Variants in GPHN observed in about 807,000 individuals in gnomAD.
The protein encoded by GPHN is gephyrin.
GPHN carries 17 observed loss-of-function variants against 95.5 expected under a neutral mutation model. That is an observed-to-expected ratio of 0.18 (90% CI 0.12 to 0.27). The LOEUF is 0.27. GPHN is among the 10% of genes least tolerant of loss of function. The pLI is 1.00. For missense variants in GPHN, 660 were observed against 978.1 expected (o/e 0.67, Z 4.34); for synonymous variants, 320 against 322.5 (o/e 0.99, Z 0.08).
chr14:67,588,496 T>C, the GPHN span: 1 of 152,122 alleles, frequency 6.6e-6, no homozygotes, highest in Non-Finnish European at 1.5e-5. Flanking sequence ...TAAAAAAAAG[T>C]TTCTTTCATC....
intron 1 of GPHN, among the ~76,000 whole-genome samples, chr14:66,543,493 A>G (rs966990281): frequency 6.6e-6 from 1 of 152,140 alleles, no homozygotes; most frequent in Non-Finnish European, 1.5e-5. Context: ...TACAACTCCT[A>G]AATTTATGTA....
At chr14:66,848,029 A>ACAT (rs1197002831) in intron 4 of GPHN, among the ~76,000 whole-genome samples, 1 of 152,064 alleles carries the variant, frequency 6.6e-6, no homozygotes, top group Admixed American at 6.6e-5. Context: ...AATTTTATGA[A>ACAT]CATCAAAATC....
intron 1 of GPHN, among the ~76,000 whole-genome samples, chr14:66,573,441 T>C (rs1377490628): frequency 6.6e-6 from 1 of 151,772 alleles, no homozygotes; most frequent in East Asian, 1.9e-4. Flanking sequence ...TTTCTAATTA[T>C]ATAATAACCT....
chr14:67,070,214 A>T (rs192188966), intron 11 of GPHN, among the ~76,000 whole-genome samples: 2 of 150,894 alleles, frequency 1.3e-5, no homozygotes, highest in East Asian at 3.9e-4. Context: ...TTACCTTTAT[A>T]CTCCCTGCAT....
intron 4 of GPHN, among the ~76,000 whole-genome samples, chr14:66,874,166 G>A (rs1178124205): frequency 6.6e-6 from 1 of 152,226 alleles, no homozygotes; most frequent in East Asian, 1.9e-4. Context: ...AGAGAGGCCT[G>A]ACTGTTAGAA....
chr14:67,621,018 CAG>C, the GPHN span: 95 of 1,547,864 alleles, frequency 6.1e-5, no homozygotes, highest in East Asian at 2.0e-3. Context: ...TAGACCACTT[CAG>C]AGTCTTTTCT....
At chr14:67,098,010 G>A (rs1281963638) in intron 12 of GPHN, among the ~76,000 whole-genome samples, 1 of 152,132 alleles carries the variant, frequency 6.6e-6, no homozygotes, top group Non-Finnish European at 1.5e-5. Flanking sequence ...TTGTTCACAA[G>A]TTGATTTTAC....
intron 10 of GPHN, among the ~76,000 whole-genome samples, chr14:67,054,959 A>T (rs2075487295): frequency 1.3e-5 from 2 of 152,262 alleles, no homozygotes; most frequent in Admixed American, 1.3e-4. Flanking sequence ...GATGGATTAA[A>T]TATTTAAATG....
At chr14:66,708,688 C>T (rs1347971601) in intron 2 of GPHN, among the ~76,000 whole-genome samples, 1 of 151,988 alleles carries the variant, frequency 6.6e-6, no homozygotes, top group Non-Finnish European at 1.5e-5. Flanking sequence ...CTTGGATTTG[C>T]CAGATCCTGT....
intron 4 of GPHN, among the ~76,000 whole-genome samples, chr14:66,862,677 G>T (rs556665344): frequency 6.6e-6 from 1 of 151,934 alleles, no homozygotes; most frequent in African/African-American, 2.4e-5. Context: ...TACAAGGATG[G>T]TTCAACCTAC....
chr14:67,721,033 C>G, the GPHN span: 9 of 152,178 alleles, frequency 5.9e-5, no homozygotes, highest in Non-Finnish European at 8.8e-5. Flanking sequence ...CTGTGTCTTC[C>G]TAGTATGTTG....
chr14:67,246,813 A>C, the GPHN span, among the ~76,000 whole-genome samples: 1 of 151,978 alleles, frequency 6.6e-6, no homozygotes, highest in Non-Finnish European at 1.5e-5. Context: ...CACCACGCCC[A>C]GCTAATTTTT....
chr14:67,081,855 G>A (rs1415376381), intron 11 of GPHN, among the ~76,000 whole-genome samples: 1 of 152,122 alleles, frequency 6.6e-6, no homozygotes, highest in Non-Finnish European at 1.5e-5. Context: ...TGAATAGGGT[G>A]TCCTTTCCCC....
chr14:67,582,346 A>C, the GPHN span: 1 of 1,457,762 alleles, frequency 6.9e-7, no homozygotes, highest in Non-Finnish European at 9.3e-7. The surrounding 1 kb of genome is among the most constrained non-coding windows in gnomAD (Gnocchi z 5.0). Flanking sequence ...TCTGGGATGG[A>C]AAGCAGCTGA....
At chr14:67,556,596 A>G in the GPHN span, among the ~76,000 whole-genome samples, 7 of 152,154 alleles carry the variant, frequency 4.6e-5, no homozygotes, top group Admixed American at 3.9e-4. Flanking sequence ...GCTTTTAAAT[A>G]CTTAAGCCCA....
intron 10 of GPHN, among the ~76,000 whole-genome samples, chr14:67,055,213 A>G (rs1483576921): frequency 6.6e-6 from 1 of 152,092 alleles, no homozygotes; most frequent in Admixed American, 6.6e-5. Context: ...TCTAATATCC[A>G]GAATCTACAA....
intron 7 of GPHN, 125 bp from the exon 8 acceptor site, chr14:66,924,069 T>G: frequency 1.4e-6 from 1 of 692,034 alleles, no homozygotes; most frequent in South Asian, 1.6e-5. Flanking sequence ...TCATTCTACA[T>G]TTGGAAAATG....
At chr14:67,664,565 C>T in the GPHN span, among the ~76,000 whole-genome samples, 3 of 151,058 alleles carry the variant, frequency 2.0e-5, no homozygotes, top group South Asian at 4.2e-4. Context: ...GGCTCGGTCT[C>T]GGTTCACTGC....
intron 17 of GPHN, among the ~76,000 whole-genome samples, chr14:67,135,791 A>G (rs985464894): frequency 1.3e-5 from 2 of 151,508 alleles, no homozygotes; most frequent in Admixed American, 6.6e-5. Flanking sequence ...TTTCCCCCCT[A>G]TCTCTTCCTT....
Sources: allele counts gnomAD v4.1 joint callset (sites outside exome capture counted in the v4.1 genomes callset), GRCh38; gene constraint gnomAD v4.1.1; non-coding constraint Gnocchi (gnomAD v3.1); transcripts MANE v1.5; gene names NCBI Gene and HGNC (gene_info 2026-07-23, HGNC 2026-07-21).